Variants in ZNF432 observed in about 807,000 individuals in gnomAD.
ZNF432 encodes zinc finger protein 432.
Under a neutral mutation model 13.9 loss-of-function variants are expected in ZNF432, and 10 were observed. That is an observed-to-expected ratio of 0.72 (90% CI 0.44 to 1.22). ZNF432 has a LOEUF of 1.22. Ranked by LOEUF, ZNF432 falls within the 50% of genes most tolerant of loss-of-function variation. The pLI is 0.00. For synonymous variants in ZNF432, 247 were observed against 256.2 expected (o/e 0.96, Z 0.34); for missense variants, 793 against 796.2 (o/e 1.00, Z 0.05).
In ZNF432 at chr19:52,034,487, C is replaced by G; in HGVS notation, c.1192G>C (p.Glu398Gln). The G allele has an allele frequency of 6.2e-7, 1 of 1,614,092 alleles. No homozygotes were observed. The highest frequency in any genetic ancestry group is 2.2e-5 in the East Asian group (1 of 44,876). The change falls in exon 5 of 5, where the codon GAG becomes CAG. Residue 398 changes from glutamate (E) to glutamine (Q), a missense_variant. Transcript: ENST00000221315. ...CATTCACTGCATATGTAGGGTTTCT[C>G]TCCTGTATGAGTTCGTTGATGTTCG... Reference protein sequence around the residue: ...MIEHQRTHTGEKPYICSECGK... With the variant: ...MIEHQRTHTGQKPYICSECGK...
In ZNF432 at chr19:52,031,547, G is replaced by T. The variant is rs1327607511; in HGVS notation, c.*2173C>A. 1 of 152,238 alleles carries T rather than the reference G, an allele frequency of 6.6e-6. No homozygotes were observed. The highest frequency in any genetic ancestry group is 2.4e-5 in the African/African-American group (1 of 41,460). The allele number at this position is 152,238 out of a possible 1,614,324, so 9.4% of individuals were successfully genotyped here. A position where few individuals can be genotyped will look rare whatever the true frequency, so the allele number is the denominator to read the frequency against. ...ATTTAGACACCTAACAACTTGGATA[G>T]ATCTTAAGGGTAATTTGCTGAGTGA... On this transcript the variant is annotated 3_prime_UTR_variant, in exon 5 of 5. Transcript: ENST00000221315.
chr19:52,041,716 T>C, intron 2 of ZNF432, 110 bp from the exon 3 acceptor site: 1 of 1,233,286 alleles, frequency 8.1e-7, no homozygotes, highest in South Asian at 1.4e-5. Context: ...ACTGCATCCA[T>C]CTATAAGTCT....
chr19:52,034,265 G>C lies in ZNF432; in HGVS notation c.1414C>G (p.Leu472Val), dbSNP rs1250778471. ...CGKGFPLKSR[L>V]IVHQRTHTGE... is the part of the protein sequence containing the mutation. ...GTATGAGTTCGCTGATGTACAATCA[G>C]CCGACTCTTCAAGGGGAAGCCTTTC... The change falls in exon 5 of 5, where the codon CTG becomes GTG. Residue 472 changes from leucine (L) to valine (V), a missense_variant. Transcript: ENST00000221315. 6.2e-7 allele frequency: 1 copy of C among 1,614,002 alleles called. No homozygotes were observed. The highest frequency in any genetic ancestry group is 1.1e-5 in the South Asian group (1 of 91,070).
At chr19:52,039,843 AAAAG>A (rs1568522401) in intron 4 of ZNF432, among the ~76,000 whole-genome samples, 14 of 150,742 alleles carry the variant, frequency 9.3e-5, no homozygotes, top group Admixed American at 3.3e-4. Flanking sequence ...AAAAAAAAAA[AAAAG>A]AAAAGAAAAG....
chr19:52,048,382 C>G (rs1209266030), intron 1 of ZNF432, among the ~76,000 whole-genome samples: 1 of 152,116 alleles, frequency 6.6e-6, no homozygotes, highest in Admixed American at 6.6e-5. Flanking sequence ...AAAAGCCACC[C>G]CATCGATTCT....
intron 2 of ZNF432, 98 bp downstream of exon 2, chr19:52,046,756 T>G: frequency 7.7e-7 from 1 of 1,293,658 alleles, no homozygotes; most frequent in Non-Finnish European, 1.1e-6. Flanking sequence ...GGAGTTAGAT[T>G]TAAAGTTTAT....
In ZNF432 at chr19:52,033,845, G is replaced by A; in HGVS notation, c.1834C>T (p.Leu612=). ...GTATGAGTTCGTTGATGAACAATTA[G>A]ACGGCTCTTCATAGTGAAGCCTTTA... The part of the protein sequence containing the change: ...CGKGFTMKSR[L]IVHQRTHTGE... The change falls in exon 5 of 5, where the codon CTA becomes TTA. Residue 612 remains leucine, a synonymous_variant. Transcript: ENST00000221315. 1 of 1,614,012 alleles carries A rather than the reference G, an allele frequency of 6.2e-7. No individual in the cohort carries two copies. Among genetic ancestry groups the A allele is most frequent in the Non-Finnish European group, 8.5e-7 (1 of 1,179,982 alleles).
chr19:52,046,415 T>G (rs1235756177), intron 2 of ZNF432, among the ~76,000 whole-genome samples: 1 of 152,232 alleles, frequency 6.6e-6, no homozygotes, highest in Non-Finnish European at 1.5e-5. Flanking sequence ...TGAGGAACCG[T>G]GTAATAAACA....
Position 52,034,246 on chromosome 19 carries a change from G to A in ZNF432, c.1433C>T (p.Thr478Ile). 1.2e-6 allele frequency: 2 copies of A among 1,613,860 alleles called. No homozygotes were observed. The highest frequency in any genetic ancestry group is 1.3e-5 in the African/African-American group (1 of 74,952). ...LKSRLIVHQRTHTGEKPYRCS... is the reference protein window; with the variant it reads ...LKSRLIVHQRIHTGEKPYRCS... Reference sequence around the variant, plus strand: ...CCTGTAAGGTTTCTCTCCAGTATGAGTTCGCTGATGTACAATCAGCCGACT... The same window carrying A: ...CCTGTAAGGTTTCTCTCCAGTATGAATTCGCTGATGTACAATCAGCCGACT... The change falls in exon 5 of 5, where the codon ACT becomes ATT. Residue 478 changes from threonine (T) to isoleucine (I), a missense_variant. Coordinates refer to ENST00000221315, the MANE Select transcript of ZNF432 (RefSeq NM_014650.4).
chr19:52,032,955 G>C lies in ZNF432; in HGVS notation c.*765C>G, dbSNP rs2087029757. On this transcript the variant is annotated 3_prime_UTR_variant, in exon 5 of 5. Transcript: ENST00000221315. ...TATTTCTGGGCAAAGGCTTTCCCAT[G>C]ATAATGCTGCTAGTATGTGTAAGTT... 6.6e-6 allele frequency: 1 copy of C among 152,162 alleles called. No homozygotes were observed. The highest frequency in any genetic ancestry group is 2.1e-4 in the South Asian group (1 of 4,834). The allele number at this position is 152,162 out of a possible 1,614,324, so 9.4% of individuals were successfully genotyped here.
intron 4 of ZNF432, among the ~76,000 whole-genome samples, chr19:52,037,665 C>T (rs1023650832): frequency 6.6e-6 from 1 of 151,854 alleles, no homozygotes; most frequent in Non-Finnish European, 1.5e-5. Flanking sequence ...TGATATGCGC[C>T]TGTAGTTTCA....
At position 52,033,664 on chromosome 19, in the gene ZNF432, T is replaced by C. The variant is rs1303563067; in HGVS notation, c.*56A>G. 24 of 1,513,998 alleles carry C rather than the reference T, an allele frequency of 1.6e-5. No individual in the cohort carries two copies. Among genetic ancestry groups the C allele is most frequent in the Non-Finnish European group, 2.1e-5 (24 of 1,132,128 alleles). The allele number at this position is 1,513,998 out of a possible 1,614,324, so 93.8% of individuals were successfully genotyped here. A position where few individuals can be genotyped will look rare whatever the true frequency, so the allele number is the denominator to read the frequency against. ...TAGAAAATCTATACTGTGAAATCTC[T>C]GATGTTGTACAAGGCAGATTTTCTT... On this transcript the variant is annotated 3_prime_UTR_variant, in exon 5 of 5. Coordinates refer to ENST00000221315, the MANE Select transcript of ZNF432 (RefSeq NM_014650.4).
At position 52,033,759 on chromosome 19, in the gene ZNF432, G is replaced by A. The variant is rs1308960139; in HGVS notation, c.1920C>T (p.Leu640=). ...CATTATGAGTTCGCTGATGTACAAT[G>A]AGATTTCTCTTTGAGGAGAAGGCTT... ...CRKAFSSKRN[L]IVHQRTHNGN... The change falls in exon 5 of 5, where the codon CTC becomes CTT. Residue 640 remains leucine (L), a synonymous_variant. Coordinates refer to ENST00000221315, the MANE Select transcript of ZNF432 (RefSeq NM_014650.4). 1.9e-6 allele frequency: 3 copies of A among 1,604,060 alleles called. No individual in the cohort carries two copies. Among genetic ancestry groups the A allele is most frequent in the South Asian group, 1.1e-5 (1 of 89,238 alleles).
At chr19:52,041,969 TAG>T in intron 2 of ZNF432, among the ~76,000 whole-genome samples, 1 of 152,124 alleles carries the variant, frequency 6.6e-6, no homozygotes, top group South Asian at 2.1e-4. Context: ...GCATAAGACA[TAG>T]AGAGACTTCA....
At chr19:52,040,269 C>T (rs2087121556) in intron 4 of ZNF432, 1 of 571,910 alleles carries the variant, frequency 1.7e-6, no homozygotes, top group Admixed American at 3.1e-5. Context: ...GAAGAGAACT[C>T]CATAGGTAGA....
At chr19:52,041,684 C>T (rs2123156528) in intron 2 of ZNF432, 78 bp from the exon 3 acceptor site, 3 of 1,577,032 alleles carry the variant, frequency 1.9e-6, no homozygotes, top group South Asian at 1.1e-5. Context: ...GGGAAGTTGT[C>T]CCGCTCACAT....
In ZNF432 at chr19:52,033,616, A is replaced by G; in HGVS notation, c.*104T>C. ...GAATAACACTGGATTTTGAAATATG[A>G]TTTTTCATACTCAGTACACATGTAG... On this transcript the variant is annotated 3_prime_UTR_variant, in exon 5 of 5. Transcript: ENST00000221315. The G allele has an allele frequency of 7.6e-7, 1 of 1,316,444 alleles. No individual in the cohort carries two copies. The highest frequency in any genetic ancestry group is 2.5e-5 in the Admixed American group (1 of 39,324). 81.5% of individuals were successfully genotyped at this position (1,316,444 alleles called of 1,614,324 possible).
chr19:52,038,409 C>G (rs1201769116), intron 4 of ZNF432, among the ~76,000 whole-genome samples: 1 of 152,338 alleles, frequency 6.6e-6, no homozygotes, highest in East Asian at 1.9e-4. Flanking sequence ...CCTGCCTCAG[C>G]CTTCCTGAGT....
chr19:52,040,372 G>C (rs1269186831), intron 4 of ZNF432, 116 bp downstream of exon 4: 1 of 877,898 alleles, frequency 1.1e-6, no homozygotes, highest in Non-Finnish European at 1.9e-6. Flanking sequence ...GTTTCTTGTG[G>C]AGGGAAAACG....
Sources: allele counts gnomAD v4.1 joint callset (sites outside exome capture counted in the v4.1 genomes callset), GRCh38; gene constraint gnomAD v4.1.1; transcripts MANE v1.5; gene names NCBI Gene and HGNC (gene_info 2026-07-23, HGNC 2026-07-21).